The following FHOD3 variants were observed in gnomAD, a reference collection of about 807,000 sequenced individuals.
FHOD3 encodes formin homology 2 domain containing 3, also known as FH1/FH2 domain-containing protein 3.
FHOD3 carries 90 observed loss-of-function variants against 173.0 expected under a neutral mutation model. That is an observed-to-expected ratio of 0.52 (90% CI 0.44 to 0.62). The LOEUF is 0.62. Ranked by LOEUF, FHOD3 falls within the 20% of genes least tolerant of loss-of-function variation. FHOD3 has a pLI of 0.00. For missense variants in FHOD3, 1,945 were observed against 2,034.7 expected (o/e 0.96, Z 0.85); for synonymous variants, 828 against 823.0 (o/e 1.01, Z -0.10).
At chr18:36,363,155 G>A (rs538539585) in intron 2 of FHOD3, among the ~76,000 whole-genome samples, 3 of 152,304 alleles carry the variant, frequency 2.0e-5, no homozygotes, top group Admixed American at 2.0e-4. Flanking sequence ...TCAAATGCTG[G>A]CAAAGATGTG....
intron 9 of FHOD3, among the ~76,000 whole-genome samples, chr18:36,613,821 C>T (rs1340481979): frequency 6.6e-6 from 1 of 151,992 alleles, no homozygotes; most frequent in Non-Finnish European, 1.5e-5. Context: ...TTACAAGTGT[C>T]CACCATCATG....
intron 20 of FHOD3, among the ~76,000 whole-genome samples, chr18:36,732,818 G>A (rs544364578): frequency 6.6e-6 from 1 of 152,294 alleles, no homozygotes; most frequent in East Asian, 1.9e-4. Context: ...CTGCTGTTGG[G>A]TGGACCTGGA....
chr18:36,609,490 C>T (rs1217591034), intron 8 of FHOD3, among the ~76,000 whole-genome samples: 3 of 152,032 alleles, frequency 2.0e-5, no homozygotes, highest in African/African-American at 4.8e-5. Context: ...GGTGATAGTA[C>T]GCAGGCTTGG....
intron 14 of FHOD3, among the ~76,000 whole-genome samples, chr18:36,664,769 TGTGTATGTGAGAGAGAGAGAGA>T (rs1023287668): frequency 7.5e-6 from 1 of 132,698 alleles, no homozygotes. Context: ...AAGGGGTGTG[TGTGTATGTGAGAGAGAGAGAGA>T]GAGAGAGAGA....
intron 9 of FHOD3, among the ~76,000 whole-genome samples, chr18:36,613,671 G>T (rs760323159): frequency 2.0e-5 from 3 of 152,134 alleles, no homozygotes; most frequent in Non-Finnish European, 2.9e-5. Flanking sequence ...CCTCTGGTTG[G>T]TTGGTTGTTG....
intron 1 of FHOD3, among the ~76,000 whole-genome samples, chr18:36,324,857 A>G (rs2044586852): frequency 2.0e-5 from 3 of 152,210 alleles, no homozygotes; most frequent in Non-Finnish European, 2.9e-5. Context: ...CTTTGTATAT[A>G]TATGTGCCCC....
intron 4 of FHOD3, among the ~76,000 whole-genome samples, chr18:36,505,273 A>G (rs577596763): frequency 1.3e-5 from 2 of 152,390 alleles, no homozygotes; most frequent in African/African-American, 4.8e-5. Flanking sequence ...CCTATAGCAC[A>G]GAATGAAGCT....
intron 3 of FHOD3, among the ~76,000 whole-genome samples, chr18:36,431,160 A>G (rs2050529540): frequency 6.6e-6 from 1 of 152,254 alleles, no homozygotes. Flanking sequence ...GTATGGAAAG[A>G]AAGTTGAACA....
At chr18:36,746,514 T>C (rs1456254460) in intron 23 of FHOD3, among the ~76,000 whole-genome samples, 2 of 152,206 alleles carry the variant, frequency 1.3e-5, no homozygotes, top group African/African-American at 4.8e-5. Flanking sequence ...TGCCCATTAG[T>C]TGGTCCCCAG....
intron 3 of FHOD3, among the ~76,000 whole-genome samples, chr18:36,411,004 T>A (rs759831863): frequency 1.3e-5 from 2 of 152,216 alleles, no homozygotes; most frequent in African/African-American, 4.8e-5. Context: ...AGAAAGTTTT[T>A]AATTTTGATG....
intron 1 of FHOD3, among the ~76,000 whole-genome samples, chr18:36,337,369 A>G (rs2045377016): frequency 6.6e-6 from 1 of 152,148 alleles, no homozygotes; most frequent in Non-Finnish European, 1.5e-5. Context: ...CTGGGCTGGT[A>G]TATAACGTGA....
intron 5 of FHOD3, among the ~76,000 whole-genome samples, chr18:36,568,367 A>AAAAAAAAG (rs1568437858): frequency 1.8e-5 from 2 of 109,352 alleles, no homozygotes; most frequent in African/African-American, 6.9e-5. Flanking sequence ...AAAAAAAAAA[A>AAAAAAAAG]GGTGGTGGAG....
chr18:36,306,886 G>A (rs953973571), intron 1 of FHOD3, among the ~76,000 whole-genome samples: 1 of 152,202 alleles, frequency 6.6e-6, no homozygotes, highest in Non-Finnish European at 1.5e-5. Flanking sequence ...TCTGCTAGGA[G>A]CACCTCCTGA....
intron 3 of FHOD3, among the ~76,000 whole-genome samples, chr18:36,438,678 G>A (rs1416260295): frequency 6.6e-6 from 1 of 152,182 alleles, no homozygotes; most frequent in African/African-American, 2.4e-5. Flanking sequence ...ATGGAGGCCT[G>A]TACCTGGTGT....
intron 16 of FHOD3, among the ~76,000 whole-genome samples, chr18:36,692,373 G>A (rs2039019347): frequency 6.6e-6 from 1 of 152,172 alleles, no homozygotes; most frequent in Non-Finnish European, 1.5e-5. Flanking sequence ...ACCTGTTACA[G>A]CTGAATGCAT....
chr18:36,486,864 G>A (rs2054220319), intron 3 of FHOD3, among the ~76,000 whole-genome samples: 1 of 152,316 alleles, frequency 6.6e-6, no homozygotes, highest in Admixed American at 6.5e-5. Flanking sequence ...CTATAGATCA[G>A]ATTTGTCTTT....
chr18:36,740,545 C>A, intron 20 of FHOD3, 111 bp from the exon 21 acceptor site: 2 of 1,113,702 alleles, frequency 1.8e-6, no homozygotes, highest in Non-Finnish European at 2.6e-6. Context: ...AACACCTGTA[C>A]ATACCTCTAC....
intron 3 of FHOD3, among the ~76,000 whole-genome samples, chr18:36,477,225 G>A (rs1599297109): frequency 6.6e-6 from 1 of 152,252 alleles, no homozygotes; most frequent in East Asian, 1.9e-4. Context: ...AGGGAGATGA[G>A]GTTGGGATGG....
At chr18:36,352,400 C>A (rs2046172519) in intron 1 of FHOD3, among the ~76,000 whole-genome samples, 1 of 152,230 alleles carries the variant, frequency 6.6e-6, no homozygotes, top group African/African-American at 2.4e-5. Context: ...TCTGCTACCT[C>A]TGCTCTCCAG....
Sources: gnomAD v4.1 joint callset for allele counts (sites outside exome capture counted in the v4.1 genomes callset) on GRCh38, gnomAD v4.1.1 for gene constraint, MANE v1.5 for transcripts, NCBI Gene and HGNC (gene_info 2026-07-23, HGNC 2026-07-21) for gene names.